DMBT1: variants seen among roughly 807,000 people sequenced by gnomAD.
DMBT1 encodes deleted in malignant brain tumors 1.
In DMBT1, 198 loss-of-function variants were observed where a neutral mutation model predicts 252.9. That is an observed-to-expected ratio of 0.78 (90% confidence interval 0.70 to 0.88). The LOEUF (loss-of-function observed/expected upper bound fraction) is 0.88, where lower values mean the gene tolerates loss of function less well. Ranked by LOEUF, DMBT1 falls within the 40% of genes least tolerant of loss-of-function variation. The pLI, the probability that DMBT1 is intolerant of heterozygous loss-of-function variation, is 0.00. For synonymous variants in DMBT1, 990 were observed against 942.7 expected (o/e 1.05, Z -0.92); for missense variants, 2,432 against 2,404.7 (o/e 1.01, Z -0.24).
At position 122,617,208 on chromosome 10, in the gene DMBT1, T is replaced by C. The variant is rs771964370; in HGVS notation, c.4859-20T>C. On this transcript the variant is annotated intron_variant, in intron 39 of 55. Transcript: ENST00000338354. The stretch of plus-strand genomic sequence containing the variant: ...CCCTTCAAGTCTAATTCTGTCTTTT[T>C]TCTTTGTTGCTATTTACAGACACTT... 2.5e-6 allele frequency: 4 copies of C among 1,608,240 alleles called. No homozygotes were observed. The highest frequency in any genetic ancestry group is 3.4e-6 in the Non-Finnish European group (4 of 1,177,944).
In DMBT1 at chr10:122,598,939, CAGCCCCA is replaced by C; in HGVS notation, c.3123_3129del (p.Ala1042GlufsTer79). ...CAACTGGGCTGTGGCTGGGCCATGT[CAGCCCCA>C]GGAAATGCCCGGTTTGGTCAGGGCT... On this transcript the variant is annotated frameshift_variant, in exon 26 of 56. Transcript: ENST00000338354. LOFTEE classifies it high-confidence loss of function. 1 of 1,613,822 alleles carries C rather than the reference CAGCCCCA, an allele frequency of 6.2e-7. No individual in the cohort carries two copies. Among genetic ancestry groups the C allele is most frequent in the African/African-American group, 1.3e-5 (1 of 75,042 alleles).
Position 122,631,733 on chromosome 10 carries a change from C to T in DMBT1, c.6347-122C>T, listed in dbSNP as rs562329291. The T allele has an allele frequency of 5.5e-3, 5,553 of 1,017,144 alleles. 39 individuals are homozygous for T. The highest frequency in any genetic ancestry group is 5.9e-3 in the Non-Finnish European group (3,913 of 667,098). The allele number at this position is 1,017,144 out of a possible 1,614,324, so 63.0% of individuals were successfully genotyped here. A position where few individuals can be genotyped will look rare whatever the true frequency, so the allele number is the denominator to read the frequency against. ...TTCTCAATAGCAATTGCTGGGTGGA[C>T]CTGGGGACCCTCGCCGAGGGGGGTC... On this transcript the variant is annotated intron_variant, in intron 49 of 55. Coordinates refer to ENST00000338354, the MANE Select transcript of DMBT1 (RefSeq NM_001377530.1).
At chr10:122,620,213 C>G (rs367635415) in intron 42 of DMBT1, 40 bp from the exon 43 acceptor site, 59 of 1,608,412 alleles carry the variant, frequency 3.7e-5, no homozygotes, top group Non-Finnish European at 4.7e-5. Flanking sequence ...TTTCCTCCCT[C>G]AAGTCTAATT....
Position 122,643,272 on chromosome 10 carries a change from C to T in DMBT1, c.7503C>T (p.Ser2501=), listed in dbSNP as rs768025711. 1.2e-6 allele frequency: 2 copies of T among 1,613,962 alleles called. No individual in the cohort carries two copies. Among genetic ancestry groups the T allele is most frequent in the Admixed American group, 3.3e-5 (2 of 60,024 alleles). The change falls in exon 56 of 56, where the codon TCC becomes TCT. Residue 2501 remains serine, a synonymous_variant. Coordinates refer to ENST00000338354, the MANE Select transcript of DMBT1 (RefSeq NM_001377530.1). The part of the protein sequence containing the change: ...MVVCRAYDPS[S]RCYRGCVLRS... ...TGTGCAGAGCGTATGACCCCTCTTC[C>T]CGCTGCTACCGAGGCTGTGTGTTGA...
At chr10:122,626,740 A>G (rs991037774) in intron 46 of DMBT1, among the ~76,000 whole-genome samples, 2 of 152,242 alleles carry the variant, frequency 1.3e-5, no homozygotes, top group African/African-American at 4.8e-5. Context: ...GTACACAACA[A>G]ACTAGAAAAT....
rs2098115897 is a variant in DMBT1, at chr10:122,625,944, C to A, written c.5647C>A (p.Pro1883Thr). 6.2e-7 allele frequency: 1 copy of A among 1,611,514 alleles called. No homozygotes were observed. Among genetic ancestry groups the A allele is most frequent in the South Asian group, 1.1e-5 (1 of 91,034 alleles). The change falls in exon 46 of 56, where the codon CCA becomes ACA. Residue 1883 changes from proline (P) to threonine (T), a missense_variant. Transcript: ENST00000338354. Reference sequence around the variant, plus strand: ...ATTTTTTTTTCTAGATTGGTGGCATCCAACAACTACAACCACTGCAAGTAG... The same window carrying A: ...ATTTTTTTTTCTAGATTGGTGGCATACAACAACTACAACCACTGCAAGTAG... ...INSTTTDWWH[P>T]TTTTTARPSS...
chr10:122,585,126 G>A (rs1013406405), intron 14 of DMBT1, 145 bp from the exon 15 acceptor site: 3 of 1,101,324 alleles, frequency 2.7e-6, no homozygotes, highest in Admixed American at 3.6e-5. Flanking sequence ...CTGAGCTGCA[G>A]ACTTGGGCAG....
rs1464667104 is a variant in DMBT1 at position 122,601,000 on chromosome 10, C to G, written c.3320C>G (p.Pro1107Arg). ...SRPTPSPDTW[P>R]TSHASTAGSE... The stretch of plus-strand genomic sequence containing the variant: ...TTGTTGCAATTTACAGACACTTGGC[C>G]AACCTCACATGCATCAACAGCAGGT... The change falls in exon 28 of 56, where the codon CCA becomes CGA. Residue 1107 changes from proline to arginine, a missense_variant. Physicochemically the swap from Pro to Arg is moderately radical, Grantham distance 103. Transcript: ENST00000338354. 2.1e-6 allele frequency: 2 copies of G among 954,178 alleles called. No homozygotes were observed. Among genetic ancestry groups the G allele is most frequent in the South Asian group, 1.4e-5 (1 of 73,532 alleles). The allele number at this position is 954,178 out of a possible 1,614,324, so 59.1% of individuals were successfully genotyped here.
Position 122,591,697 on chromosome 10 carries a change from G to A in DMBT1, c.2176+180G>A, listed in dbSNP as rs2133586173. Among the ~76,000 whole-genome samples the A allele has an allele frequency of 1.3e-5, 2 of 148,676 alleles. 1 individual carries two copies. The highest frequency in any genetic ancestry group is 4.1e-4 in the East Asian group (2 of 4,840). ...CCCGGGTCGGGTGTTAGAGGGTGGA[G>A]GGTGTTGGTGACCTATCTCCTGTTG... On this transcript the variant is annotated intron_variant, in intron 19 of 55. Transcript: ENST00000338354.
chr10:122,631,062 T>C lies in DMBT1; in HGVS notation c.6127T>C (p.Ser2043Pro). ...CACCTGGGGGACAGTTTGTGATGACTCCTGGACCATTCAGGAAGCTGAGGT... is the reference window on the plus strand; with the variant it reads ...CACCTGGGGGACAGTTTGTGATGACCCCTGGACCATTCAGGAAGCTGAGGT... The part of the protein sequence containing the change: ...GGTWGTVCDD[S>P]WTIQEAEVVC... The change falls in exon 49 of 56, where the codon TCC becomes CCC. Residue 2043 changes from serine to proline, a missense_variant. Transcript: ENST00000338354. 1 of 1,613,988 alleles carries C rather than the reference T, an allele frequency of 6.2e-7. No homozygotes were observed. The highest frequency in any genetic ancestry group is 8.5e-7 in the Non-Finnish European group (1 of 1,179,902).
intron 55 of DMBT1, 93 bp downstream of exon 55, chr10:122,640,542 A>C (rs1844339312): frequency 3.0e-6 from 4 of 1,339,820 alleles, no homozygotes; most frequent in Non-Finnish European, 4.0e-6. Context: ...AATTTTGATG[A>C]ACTGCAGTTC....
chr10:122,632,210 G>C (rs1171397385), intron 50 of DMBT1, among the ~76,000 whole-genome samples: 6 of 151,784 alleles, frequency 4.0e-5, no homozygotes, highest in Admixed American at 1.3e-4. Flanking sequence ...CTGCCCCTGA[G>C]CTGCTCTGAG....
At chr10:122,575,509 T>C (rs1163782066) in intron 6 of DMBT1, among the ~76,000 whole-genome samples, 1 of 152,138 alleles carries the variant, frequency 6.6e-6, no homozygotes, top group Non-Finnish European at 1.5e-5. Context: ...AACTTTATAT[T>C]TTCTGGTTTT....
chr10:122,572,781 A>G (rs1366577644), intron 5 of DMBT1, among the ~76,000 whole-genome samples: 1 of 152,200 alleles, frequency 6.6e-6, no homozygotes, highest in Non-Finnish European at 1.5e-5. Context: ...CCAAATATAT[A>G]TCTTCCTAAG....
At position 122,586,365 on chromosome 10, in the gene DMBT1, G is replaced by A. The variant is rs780053149; in HGVS notation, c.1765G>A (p.Ala589Thr). The A allele has an allele frequency of 8.8e-6, 14 of 1,588,502 alleles. No homozygotes were observed. The highest frequency in any genetic ancestry group is 3.4e-5 in the South Asian group (3 of 86,974). Reference sequence around the variant, plus strand: ...CCATAACTGTGGCCATAGTGAAGACGCTGGTGTCATCTGCTCAGGTGGGCC... The same window carrying A: ...CCATAACTGTGGCCATAGTGAAGACACTGGTGTCATCTGCTCAGGTGGGCC... ...LSHNCGHSED[A>T]GVICSGPESS... The change falls in exon 16 of 56, where the codon GCT becomes ACT. Residue 589 changes from alanine to threonine, a missense_variant. Around this residue, in one of 3 missense-constraint regions of DMBT1, gnomAD observed 1,264 missense variants for 1,082.2 expected, o/e 1.17. Coordinates refer to ENST00000338354, the MANE Select transcript of DMBT1 (RefSeq NM_001377530.1).
At chr10:122,622,542 G>T (rs2098080354) in intron 44 of DMBT1, among the ~76,000 whole-genome samples, 1 of 152,052 alleles carries the variant, frequency 6.6e-6, no homozygotes, top group Non-Finnish European at 1.5e-5. Context: ...CTTGCTTTTT[G>T]CATGTGGCTG....
intron 23 of DMBT1, 133 bp from the exon 24 acceptor site, chr10:122,596,892 A>C: frequency 8.4e-6 from 2 of 239,520 alleles, no homozygotes; most frequent in Non-Finnish European, 1.4e-5. Context: ...GGGGACATGC[A>C]TGGCAATGCC....
At chr10:122,599,328 G>A (rs1005312300) in intron 26 of DMBT1, among the ~76,000 whole-genome samples, 1 of 152,170 alleles carries the variant, frequency 6.6e-6, no homozygotes, top group African/African-American at 2.4e-5. Context: ...CCTTCCTGAG[G>A]GAAGGCAAGG....
intron 53 of DMBT1, 123 bp from the exon 54 acceptor site, chr10:122,637,005 T>G (rs1260397512): frequency 1.6e-5 from 14 of 854,564 alleles, no homozygotes; most frequent in African/African-American, 3.4e-5. Context: ...ACATCCTAAG[T>G]GCTGACCCTC....
Sources: allele counts gnomAD v4.1 joint callset (sites outside exome capture counted in the v4.1 genomes callset), GRCh38; gene constraint gnomAD v4.1.1; regional missense constraint gnomAD v4.1.1; transcripts MANE v1.5; gene names NCBI Gene and HGNC (gene_info 2026-07-23, HGNC 2026-07-21).